CS: variants seen among roughly 807,000 people sequenced by gnomAD.
The protein encoded by CS is citrate synthase, mitochondrial.
A neutral mutation model predicts 61.4 loss-of-function variants in CS; 13 were observed. The observed-to-expected ratio is 0.21, with a 90% CI of 0.14 to 0.34. CS has a LOEUF of 0.34. Ranked by LOEUF, CS falls within the 10% of genes least tolerant of loss-of-function variation. The pLI is 1.00. For missense variants in CS, 278 were observed against 573.4 expected, an observed-to-expected ratio of 0.48 and a Z score of 5.26; for synonymous variants, 159 against 215.2, an observed-to-expected ratio of 0.74 and a Z score of 2.29.
In CS at chr12:56,295,248, C is replaced by T. The variant is rs1031641902; in HGVS notation, c.42+4912G>A. 1.3e-4 allele frequency among the ~76,000 whole-genome samples: 20 copies of T among 151,966 alleles called. 1 individual carries two copies. The highest frequency in any genetic ancestry group is 1.2e-3 in the Admixed American group (19 of 15,230). On this transcript the variant is annotated intron_variant, in intron 1 of 10. Transcript: ENST00000351328. Reference sequence around the variant, plus strand: ...AGCTAATAAATATTTCTTGGCCGGGCACGGTGGCTCATGCCTGTAATCCCA... The same window carrying T: ...AGCTAATAAATATTTCTTGGCCGGGTACGGTGGCTCATGCCTGTAATCCCA...
At chr12:56,283,053 C>A in intron 4 of CS, 62 bp from the exon 5 acceptor site, 1 of 1,580,054 alleles carries the variant, frequency 6.3e-7, no homozygotes, top group South Asian at 1.1e-5. Context: ...CACGACTGGT[C>A]TTACTCATCA....
intron 1 of CS, among the ~76,000 whole-genome samples, chr12:56,298,161 G>A (rs1297328425): frequency 1.3e-5 from 2 of 152,180 alleles, no homozygotes; most frequent in East Asian, 3.9e-4. Context: ...ACCATGTCTG[G>A]CTAATTTTGT....
At chr12:56,299,791 T>G (rs1036837478) in intron 1 of CS, 1 of 242,758 alleles carries the variant, frequency 4.1e-6, no homozygotes, top group Non-Finnish European at 8.1e-6. Context: ...CCAAACTGAC[T>G]GTAACTCCAG....
intron 6 of CS, among the ~76,000 whole-genome samples, chr12:56,280,755 G>A (rs1448870100): frequency 6.6e-6 from 1 of 151,980 alleles, no homozygotes; most frequent in Non-Finnish European, 1.5e-5. Context: ...AAAATATTAA[G>A]ATTATATGAC....
chr12:56,275,765 T>C, intron 7 of CS: 2 of 560,240 alleles, frequency 3.6e-6, no homozygotes, highest in Admixed American at 3.1e-5. Flanking sequence ...GCTAGTACCT[T>C]TTCCCAGCCA....
chr12:56,286,851 C>G (rs1872954610), intron 1 of CS, among the ~76,000 whole-genome samples: 1 of 152,134 alleles, frequency 6.6e-6, no homozygotes, highest in South Asian at 2.1e-4. Context: ...TTTTTTCATC[C>G]ATAGCTTCAC....
intron 6 of CS, among the ~76,000 whole-genome samples, chr12:56,279,070 T>A (rs562451058): frequency 6.6e-6 from 1 of 152,094 alleles, no homozygotes; most frequent in Non-Finnish European, 1.5e-5. Flanking sequence ...TCCCCACGCC[T>A]GGCCTACTAG....
At chr12:56,277,509 A>T (rs980472258) in intron 6 of CS, among the ~76,000 whole-genome samples, 1 of 152,072 alleles carries the variant, frequency 6.6e-6, no homozygotes, top group Admixed American at 6.6e-5. Context: ...AAAAAATAAA[A>T]AAAAAAGACA....
intron 3 of CS, among the ~76,000 whole-genome samples, chr12:56,284,829 G>GCGGAGGTTGTAGTGAGC (rs1872890237): frequency 6.6e-6 from 1 of 150,454 alleles, no homozygotes. Flanking sequence ...AACCCGGGAG[G>GCGGAGGTTGTAGTGAGC]CGGAGGTTGT....
intron 10 of CS, 141 bp from the exon 11 acceptor site, chr12:56,273,395 C>G (rs1872558301): frequency 9.9e-7 from 1 of 1,009,860 alleles, no homozygotes; most frequent in East Asian, 2.6e-5. Context: ...AGAAATGACA[C>G]TGAGAAAAGT....
chr12:56,300,084 A>T (rs1873439045), intron 1 of CS, 76 bp downstream of exon 1: 1 of 1,445,800 alleles, frequency 6.9e-7, no homozygotes, highest in Admixed American at 2.2e-5. Flanking sequence ...TGTGGGAGGG[A>T]GACCCCGGCG....
At chr12:56,276,820 G>T (rs1443019593) in intron 6 of CS, among the ~76,000 whole-genome samples, 3 of 152,156 alleles carry the variant, frequency 2.0e-5, no homozygotes, top group African/African-American at 7.2e-5. Context: ...GGGATTATAG[G>T]TGTGAGCCAC....
chr12:56,285,192 C>T (rs923245233), intron 3 of CS: 16 of 391,990 alleles, frequency 4.1e-5, no homozygotes, highest in Non-Finnish European at 7.9e-5. Flanking sequence ...ATGAGCCACC[C>T]GCCTCAGCCT....
intron 3 of CS, among the ~76,000 whole-genome samples, chr12:56,284,627 T>C (rs573315380): frequency 2.7e-5 from 4 of 148,188 alleles, no homozygotes; most frequent in Admixed American, 6.7e-5. Flanking sequence ...TTAGGCCGGG[T>C]GCAGTGGCTC....
In CS at chr12:56,272,225, G is replaced by C. The variant is rs887742842; in HGVS notation, c.*859C>G. On this transcript the variant is annotated 3_prime_UTR_variant, in exon 11 of 11. Coordinates refer to ENST00000351328, the MANE Select transcript of CS (RefSeq NM_004077.3). Reference sequence around the variant, plus strand: ...AGCATATTAAAAGATGGGGGTTGGTGGGGGGTGGGGAGGTCAGAAGGTAGT... The same window carrying C: ...AGCATATTAAAAGATGGGGGTTGGTCGGGGGTGGGGAGGTCAGAAGGTAGT... 9 of 223,432 alleles carry C rather than the reference G, an allele frequency of 4.0e-5. No individual in the cohort carries two copies. The highest frequency in any genetic ancestry group is 3.3e-4 in the Admixed American group (6 of 18,202). The allele number at this position is 223,432 out of a possible 1,614,324, so 13.8% of individuals were successfully genotyped here.
chr12:56,273,434 A>C (rs1166789241), intron 10 of CS, 153 bp downstream of exon 10: 8 of 980,938 alleles, frequency 8.2e-6, no homozygotes, highest in Non-Finnish European at 1.2e-5. Context: ...AAAACAGAGC[A>C]ACCCCAACCC....
intron 6 of CS, among the ~76,000 whole-genome samples, chr12:56,278,309 G>A (rs968758182): frequency 3.3e-5 from 5 of 152,084 alleles, no homozygotes; most frequent in Non-Finnish European, 7.3e-5. Flanking sequence ...TGTATCTTTA[G>A]TAGAGATGGG....
chr12:56,274,084 TG>T, intron 9 of CS: 1 of 402,952 alleles, frequency 2.5e-6, no homozygotes. Flanking sequence ...GAGGCTGAGG[TG>T]GGCAGATCAC....
At chr12:56,281,664 C>G (rs1044544444) in intron 6 of CS, among the ~76,000 whole-genome samples, 23 of 152,138 alleles carry the variant, frequency 1.5e-4, no homozygotes, top group African/African-American at 5.5e-4. Context: ...AAGTCACATC[C>G]TTTTCTTTTC....
Sources: allele counts gnomAD v4.1 joint callset (sites outside exome capture counted in the v4.1 genomes callset), GRCh38; gene constraint gnomAD v4.1.1; transcripts MANE v1.5; gene names NCBI Gene and HGNC (gene_info 2026-07-23, HGNC 2026-07-21).